The following DPP10 variants were observed in gnomAD, a reference collection of about 807,000 sequenced individuals.
DPP10 encodes the protein dipeptidyl peptidase like 10.
A neutral mutation model predicts 120.9 loss-of-function variants in DPP10; 33 were observed. The observed-to-expected ratio is 0.27, with a 90% CI of 0.21 to 0.37. The LOEUF is 0.37. Among genes scored for constraint, DPP10 ranks in the 10% least tolerant of loss-of-function variants. DPP10 has a pLI of 1.00. For synonymous variants in DPP10, 337 were observed against 326.1 expected, an observed-to-expected ratio of 1.03 and a Z score of -0.36; for missense variants, 816 against 942.8, an observed-to-expected ratio of 0.87 and a Z score of 1.76.
chr2:114,923,624 G>A (rs574163855), intron 1 of DPP10, among the ~76,000 whole-genome samples: 10 of 151,590 alleles, frequency 6.6e-5, no homozygotes, highest in East Asian at 5.8e-4. Flanking sequence ...GACTACAGGC[G>A]CCCGCCACCA....
At chr2:115,321,187 G>C (rs138275122) in intron 2 of DPP10, among the ~76,000 whole-genome samples, 3 of 152,054 alleles carry the variant, frequency 2.0e-5, no homozygotes. Flanking sequence ...TGTAATCCCC[G>C]CTCCTTGGGA....
chr2:115,393,184 G>C (rs912840643), intron 3 of DPP10, among the ~76,000 whole-genome samples: 4 of 151,766 alleles, frequency 2.6e-5, no homozygotes, highest in Non-Finnish European at 2.9e-5. Context: ...ATGGTAGTGC[G>C]TGCTTGTGAT....
intron 4 of DPP10, among the ~76,000 whole-genome samples, chr2:115,521,297 C>G (rs566655999): frequency 1.3e-5 from 2 of 152,114 alleles, no homozygotes; most frequent in African/African-American, 4.8e-5. Context: ...CATGGATTTA[C>G]GTGGAACATA....
intron 5 of DPP10, among the ~76,000 whole-genome samples, chr2:115,684,791 A>G (rs1418046942): frequency 6.6e-6 from 1 of 151,924 alleles, no homozygotes; most frequent in East Asian, 1.9e-4. Context: ...AAAAATTGTG[A>G]AAAACAGTTA....
intron 2 of DPP10, among the ~76,000 whole-genome samples, chr2:115,327,214 T>A (rs944212842): frequency 1.3e-5 from 2 of 152,122 alleles, no homozygotes; most frequent in Admixed American, 1.3e-4. Flanking sequence ...AGGCTGTATC[T>A]TATAGCATAG....
chr2:115,353,187 A>G (rs924118167), intron 3 of DPP10, among the ~76,000 whole-genome samples: 5 of 152,078 alleles, frequency 3.3e-5, no homozygotes, highest in African/African-American at 1.2e-4. Context: ...AGTCGTCTTT[A>G]TGGAAAAGAT....
At chr2:115,757,182 TA>T (rs1343194527) in intron 11 of DPP10, among the ~76,000 whole-genome samples, 1 of 152,012 alleles carries the variant, frequency 6.6e-6, no homozygotes, top group African/African-American at 2.4e-5. Context: ...ACATTTCAAC[TA>T]ATATTATAAG....
At chr2:115,386,857 T>C (rs1004239668) in intron 3 of DPP10, among the ~76,000 whole-genome samples, 1 of 152,086 alleles carries the variant, frequency 6.6e-6, no homozygotes, top group African/African-American at 2.4e-5. Flanking sequence ...GCAATATGTT[T>C]ATAATAATCA....
chr2:115,330,132 A>G (rs2062623770), intron 2 of DPP10, among the ~76,000 whole-genome samples: 1 of 151,904 alleles, frequency 6.6e-6, no homozygotes, highest in Admixed American at 6.6e-5. Flanking sequence ...TCGCCATTCT[A>G]ACTGGTGTGA....
chr2:115,022,818 CAA>C (rs1703170786), intron 1 of DPP10, among the ~76,000 whole-genome samples: 1 of 152,170 alleles, frequency 6.6e-6, no homozygotes, highest in Admixed American at 6.5e-5. Flanking sequence ...ACTAATGGAA[CAA>C]AATAGATAAC....
chr2:114,950,235 G>A (rs1697672984), intron 1 of DPP10, among the ~76,000 whole-genome samples: 1 of 148,220 alleles, frequency 6.7e-6, no homozygotes. Context: ...TGTCATTAAT[G>A]TCAAATTGCC....
At chr2:115,124,389 C>T (rs1303538160) in intron 1 of DPP10, among the ~76,000 whole-genome samples, 2 of 152,182 alleles carry the variant, frequency 1.3e-5, no homozygotes, top group Admixed American at 6.5e-5. Flanking sequence ...TTCACTGTCT[C>T]CCTCATTATC....
chr2:115,505,261 TA>T (rs2076880488), intron 4 of DPP10, among the ~76,000 whole-genome samples: 1 of 151,872 alleles, frequency 6.6e-6, no homozygotes, highest in African/African-American at 2.4e-5. Flanking sequence ...AAAATAATAT[TA>T]AAAATAATAT....
At chr2:114,592,676 C>G (rs1470142296) in intron 1 of DPP10, among the ~76,000 whole-genome samples, 3 of 151,810 alleles carry the variant, frequency 2.0e-5, no homozygotes, top group African/African-American at 4.8e-5. Flanking sequence ...AAAAAAAAAC[C>G]CTCAAAACGC....
chr2:115,379,050 G>T (rs1214529771), intron 3 of DPP10, among the ~76,000 whole-genome samples: 1 of 152,130 alleles, frequency 6.6e-6, no homozygotes, highest in Non-Finnish European at 1.5e-5. Flanking sequence ...TTGGTATCAG[G>T]ATGATGCTGG....
intron 1 of DPP10, among the ~76,000 whole-genome samples, chr2:115,045,658 G>A (rs12474574): frequency 0.26 from 40,276 of 151,990 alleles, 5,729 homozygotes; most frequent in East Asian, 0.32. Context: ...AGGGGACGGC[G>A]GAGGGATGGT....
intron 1 of DPP10, among the ~76,000 whole-genome samples, chr2:115,159,013 G>T (rs2052104128): frequency 6.6e-6 from 1 of 151,186 alleles, no homozygotes; most frequent in Non-Finnish European, 1.5e-5. Context: ...GTACTTAATT[G>T]ACTCTCCCAC....
intron 1 of DPP10, among the ~76,000 whole-genome samples, chr2:114,546,684 G>A (rs564271031): frequency 2.0e-5 from 3 of 152,294 alleles, no homozygotes; most frequent in African/African-American, 7.2e-5. Flanking sequence ...CTAAGGCAAA[G>A]TGTTCTAGTT....
intron 5 of DPP10, among the ~76,000 whole-genome samples, chr2:115,628,313 T>C (rs1320168071): frequency 1.3e-5 from 2 of 152,218 alleles, no homozygotes; most frequent in Admixed American, 1.3e-4. Flanking sequence ...TATAAATGTC[T>C]TCTTTTGAGA....
Sources: allele counts gnomAD v4.1 joint callset (sites outside exome capture counted in the v4.1 genomes callset), GRCh38; gene constraint gnomAD v4.1.1; transcripts MANE v1.5; gene names NCBI Gene and HGNC (gene_info 2026-07-23, HGNC 2026-07-21).